Variants in TAFA2 observed in about 807,000 individuals in gnomAD.
TAFA2 encodes the protein TAFA chemokine like family member 2, also known as chemokine-like protein TAFA-2.
A neutral mutation model predicts 18.8 loss-of-function variants in TAFA2; 7 were observed. The observed-to-expected ratio is 0.37, with a 90% CI of 0.21 to 0.70. The LOEUF (loss-of-function observed/expected upper bound fraction) is 0.70, where lower values mean the gene tolerates loss of function less well. Ranked by LOEUF, TAFA2 falls within the 30% of genes least tolerant of loss-of-function variation. The pLI, the probability that TAFA2 is intolerant of heterozygous loss-of-function variation, is 0.53. For synonymous variants in TAFA2, 60 were observed against 54.2 expected, an observed-to-expected ratio of 1.11 and a Z score of -0.47; for missense variants, 122 against 158.1, an observed-to-expected ratio of 0.77 and a Z score of 1.23.
intron 1 of TAFA2, among the ~76,000 whole-genome samples, chr12:62,028,543 A>G (rs1292704759): frequency 1.3e-5 from 2 of 152,342 alleles, no homozygotes; most frequent in East Asian, 3.9e-4. Flanking sequence ...ATGGTCAAAC[A>G]TAACAACACA....
chr12:62,020,589 A>T (rs906007708), intron 1 of TAFA2, among the ~76,000 whole-genome samples: 11 of 152,210 alleles, frequency 7.2e-5, no homozygotes, highest in African/African-American at 2.4e-4. Context: ...GATAATAAGG[A>T]TGAAGGTGAA....
intron 2 of TAFA2, among the ~76,000 whole-genome samples, chr12:61,859,739 G>A (rs1002977635): frequency 1.2e-4 from 18 of 152,072 alleles, no homozygotes; most frequent in African/African-American, 3.9e-4. Context: ...ACCACGCCCC[G>A]CCCAGAAAAA....
At chr12:61,775,469 A>G (rs1870217202) in intron 2 of TAFA2, among the ~76,000 whole-genome samples, 1 of 151,920 alleles carries the variant, frequency 6.6e-6, no homozygotes, top group South Asian at 2.1e-4. Context: ...CAAGCTAAAA[A>G]AAATGAGCTA....
chr12:61,726,358 A>G (rs977225714), intron 4 of TAFA2, among the ~76,000 whole-genome samples: 4 of 152,214 alleles, frequency 2.6e-5, no homozygotes, highest in African/African-American at 9.6e-5. Flanking sequence ...GATTCTACCC[A>G]TCCATGAGCA....
intron 4 of TAFA2, among the ~76,000 whole-genome samples, chr12:61,724,258 T>C (rs1870034996): frequency 6.6e-6 from 1 of 152,102 alleles, no homozygotes; most frequent in Admixed American, 6.6e-5. Context: ...CTCATAATAG[T>C]TTCTGAATGT....
At chr12:61,889,854 G>T (rs1196792894) in intron 1 of TAFA2, among the ~76,000 whole-genome samples, 2 of 152,156 alleles carry the variant, frequency 1.3e-5, no homozygotes, top group Non-Finnish European at 2.9e-5. Flanking sequence ...GCATTGGACT[G>T]CCTACACATA....
intron 1 of TAFA2, among the ~76,000 whole-genome samples, chr12:62,185,069 A>T: frequency 6.6e-6 from 1 of 152,196 alleles, no homozygotes; most frequent in South Asian, 2.1e-4. Context: ...TCAACTAAAA[A>T]AGTATAAATT....
intron 1 of TAFA2, among the ~76,000 whole-genome samples, chr12:62,246,929 G>GT (rs57765904): frequency 0.11 from 17,181 of 150,998 alleles, 1,463 homozygotes; most frequent in East Asian, 0.35. Flanking sequence ...GTTTTGTTTT[G>GT]TTTTTTTTAA....
intron 1 of TAFA2, among the ~76,000 whole-genome samples, chr12:61,901,259 C>CTTTTTTTTTTTTTTTTTTTTT (rs1203233805): frequency 9.2e-5 from 1 of 10,898 alleles, no homozygotes; most frequent in Non-Finnish European, 1.5e-4. Flanking sequence ...TTCAATTTCA[C>CTTTTTTTTTTTTTTTTTTTTT]TTTTTTTTTT....
At chr12:61,981,939 G>T (rs561042789) in intron 1 of TAFA2, among the ~76,000 whole-genome samples, 2 of 152,086 alleles carry the variant, frequency 1.3e-5, no homozygotes, top group African/African-American at 4.8e-5. Flanking sequence ...CCCATTACTG[G>T]GTATATACCC....
intron 1 of TAFA2, among the ~76,000 whole-genome samples, chr12:61,968,637 T>G (rs767603746): frequency 6.6e-6 from 1 of 151,764 alleles, no homozygotes; most frequent in Non-Finnish European, 1.5e-5. Context: ...AGCTTCCATT[T>G]TTTGACAGCT....
At chr12:61,747,730 G>A (rs1289205677) in intron 4 of TAFA2, among the ~76,000 whole-genome samples, 3 of 134,616 alleles carry the variant, frequency 2.2e-5, no homozygotes, top group Non-Finnish European at 4.7e-5. Context: ...TGGGGGGAGC[G>A]GGGAGGGATA....
chr12:61,983,219 C>G (rs967455202), intron 1 of TAFA2, among the ~76,000 whole-genome samples: 2 of 152,166 alleles, frequency 1.3e-5, no homozygotes, highest in African/African-American at 2.4e-5. Context: ...TAAATCCACT[C>G]TCTCATTTTA....
chr12:61,844,104 T>A (rs986140508), intron 2 of TAFA2, among the ~76,000 whole-genome samples: 1 of 152,182 alleles, frequency 6.6e-6, no homozygotes, highest in South Asian at 2.1e-4. Flanking sequence ...TGTAAACTTG[T>A]ACTTTTTCAT....
At position 62,192,731 on chromosome 12, in the gene TAFA2, C is replaced by T. The variant is rs73131826; in HGVS notation, c.-1474G>A. ...AGGGCCGGGCGGCGTTGCCTCGCCT[C>T]TCTCTCCCAACAGCCAGTTCTGTTA... On this transcript the variant is annotated 5_prime_UTR_variant, in exon 1 of 5. Coordinates refer to ENST00000416284, the MANE Select transcript of TAFA2 (RefSeq NM_178539.5). 11,933 of 152,330 alleles carry T rather than the reference C, an allele frequency of 0.078. 596 individuals carry two copies. The highest frequency in any genetic ancestry group is 0.18 in the Middle Eastern group (52 of 294). 9.4% of individuals were successfully genotyped at this position (152,330 alleles called of 1,614,324 possible).
chr12:61,983,457 G>C (rs552984371), intron 1 of TAFA2, among the ~76,000 whole-genome samples: 2 of 152,156 alleles, frequency 1.3e-5, no homozygotes, highest in South Asian at 2.1e-4. Flanking sequence ...AGCCAGGCTG[G>C]AGTGCAGTGG....
rs865951203 is a variant in TAFA2 at position 61,879,267 on chromosome 12, C to A, written c.-1-11841G>T. The A allele has an allele frequency of 1.4e-4, 61 of 421,436 alleles. 3 individuals are homozygous for A. In the Middle Eastern group the frequency reaches 0.02, roughly 136 times the overall value. 26.1% of individuals were successfully genotyped at this position (421,436 alleles called of 1,614,324 possible). ...AGAAGCAGCAGCTTCTCCACTCCTT[C>A]TCGAATCTCCGCCTGGTTGGGGCCC... On this transcript the variant is annotated intron_variant, in intron 1 of 4. Transcript: ENST00000416284.
chr12:62,175,610 T>C (rs945563892), intron 1 of TAFA2, among the ~76,000 whole-genome samples: 5 of 152,240 alleles, frequency 3.3e-5, no homozygotes, highest in Non-Finnish European at 7.4e-5. Context: ...GAAATACAAC[T>C]GCCCTATCAT....
intron 1 of TAFA2, among the ~76,000 whole-genome samples, chr12:62,065,907 T>TA (rs571430357): frequency 6.6e-6 from 1 of 151,916 alleles, no homozygotes; most frequent in Admixed American, 6.6e-5. Context: ...TACCACTTTA[T>TA]AAAAAAGCTG....
Sources: gnomAD v4.1 joint callset for allele counts (sites outside exome capture counted in the v4.1 genomes callset) on GRCh38, gnomAD v4.1.1 for gene constraint, MANE v1.5 for transcripts, NCBI Gene and HGNC (gene_info 2026-07-23, HGNC 2026-07-21) for gene names.